DSCAM: variants seen among roughly 807,000 people sequenced by gnomAD.
DSCAM encodes the protein DS cell adhesion molecule, also known as cell adhesion molecule DSCAM.
DSCAM carries 47 observed loss-of-function variants against 217.7 expected under a neutral mutation model. The ratio of observed to expected loss-of-function variants is 0.22; its 90% CI spans 0.17 to 0.28. The LOEUF (loss-of-function observed/expected upper bound fraction) is 0.28, where lower values mean the gene tolerates loss of function less well. DSCAM is among the 10% of genes least tolerant of loss of function. The pLI is 1.00. For synonymous variants in DSCAM, 1,056 were observed against 1,015.3 expected (o/e 1.04, Z -0.76); for missense variants, 2,080 against 2,618.3 (o/e 0.79, Z 4.49).
intron 3 of DSCAM, among the ~76,000 whole-genome samples, chr21:40,498,667 CCA>C (rs1568854613): frequency 1.6e-4 from 4 of 24,314 alleles, no homozygotes; most frequent in East Asian, 1.2e-3. Context: ...ATATATATAC[CCA>C]TATATATATA....
chr21:40,339,044 CG>C, intron 7 of DSCAM, 74 bp downstream of exon 7: 1 of 1,551,790 alleles, frequency 6.4e-7, no homozygotes, highest in Non-Finnish European at 8.8e-7. Flanking sequence ...AGACCCAGCT[CG>C]GTGCATGCAG....
chr21:40,769,344 C>T (rs969438383), intron 1 of DSCAM, among the ~76,000 whole-genome samples: 6 of 152,160 alleles, frequency 3.9e-5, no homozygotes, highest in Admixed American at 1.3e-4. Context: ...GGTCAGAGAC[C>T]CACAGATGAC....
At chr21:40,068,424 T>C (rs759036752) in intron 27 of DSCAM, among the ~76,000 whole-genome samples, 1 of 152,148 alleles carries the variant, frequency 6.6e-6, no homozygotes, top group Non-Finnish European at 1.5e-5. Context: ...AATATGTATA[T>C]GTGCCTCTCT....
chr21:40,521,349 G>A (rs769933674), intron 3 of DSCAM, among the ~76,000 whole-genome samples: 1 of 152,124 alleles, frequency 6.6e-6, no homozygotes, highest in Non-Finnish European at 1.5e-5. Flanking sequence ...TTCCGTAATG[G>A]CTTTACTAAT....
intron 9 of DSCAM, among the ~76,000 whole-genome samples, chr21:40,305,389 C>CAAAAAAAAAAA (rs58738453): frequency 5.8e-5 from 4 of 68,564 alleles, no homozygotes; most frequent in African/African-American, 1.7e-4. Context: ...GATCCCGTCT[C>CAAAAAAAAAAA]AAAAAAAAAA....
chr21:40,099,388 G>T (rs573515156), intron 20 of DSCAM, among the ~76,000 whole-genome samples: 1 of 152,146 alleles, frequency 6.6e-6, no homozygotes, highest in Admixed American at 6.5e-5. Context: ...TAATTTCTCC[G>T]TAGGTTAGGA....
intron 2 of DSCAM, 65 bp from the exon 3 acceptor site, chr21:40,693,021 A>G: frequency 1.3e-6 from 2 of 1,523,316 alleles, no homozygotes; most frequent in Non-Finnish European, 1.8e-6. Context: ...AGAGTATCTC[A>G]CTGTAATATA....
chr21:40,369,588 C>T (rs2074873931), intron 3 of DSCAM, among the ~76,000 whole-genome samples: 1 of 152,010 alleles, frequency 6.6e-6, no homozygotes, highest in African/African-American at 2.4e-5. Context: ...TTGGTATATA[C>T]CGAACACAGA....
intron 3 of DSCAM, among the ~76,000 whole-genome samples, chr21:40,513,599 G>A (rs2076277140): frequency 6.6e-6 from 1 of 152,082 alleles, no homozygotes; most frequent in African/African-American, 2.4e-5. Context: ...CTCTTAAATA[G>A]CCAGCTCTTG....
intron 3 of DSCAM, among the ~76,000 whole-genome samples, chr21:40,372,342 A>T (rs1324684661): frequency 2.0e-5 from 3 of 152,238 alleles, no homozygotes; most frequent in Non-Finnish European, 4.4e-5. Flanking sequence ...AAAAAGTGCA[A>T]ACACACAATT....
At chr21:40,234,475 C>T (rs887417247) in intron 11 of DSCAM, among the ~76,000 whole-genome samples, 9 of 152,206 alleles carry the variant, frequency 5.9e-5, no homozygotes, top group Non-Finnish European at 5.9e-5. Flanking sequence ...TAAGCTATTA[C>T]GTGCTTTTCC....
chr21:40,027,591 T>C (rs201581729), intron 32 of DSCAM, among the ~76,000 whole-genome samples: 1,985 of 77,690 alleles, frequency 0.026, 8 homozygotes, highest in East Asian at 0.24. Flanking sequence ...TATTCTTTTT[T>C]CTCTAAACTT....
intron 3 of DSCAM, among the ~76,000 whole-genome samples, chr21:40,370,282 A>G (rs1484054266): frequency 6.6e-6 from 1 of 150,706 alleles, no homozygotes; most frequent in Non-Finnish European, 1.5e-5. Context: ...TAGAGCTGAG[A>G]GTGCCTCATT....
intron 19 of DSCAM, among the ~76,000 whole-genome samples, chr21:40,128,084 G>A (rs906031999): frequency 1.3e-5 from 2 of 151,504 alleles, no homozygotes; most frequent in African/African-American, 4.9e-5. Context: ...CCATGTCTCT[G>A]TTGAGACTCT....
chr21:40,841,168 T>C (rs9305708), intron 1 of DSCAM, among the ~76,000 whole-genome samples: 152,290 of 152,290 alleles, frequency 1, 76,145 homozygotes, highest in Non-Finnish European at 1. Flanking sequence ...AGGAGCAGAT[T>C]TGTGAAACCC....
chr21:40,820,368 C>CCAAA (rs10690889), intron 1 of DSCAM, among the ~76,000 whole-genome samples: 5,018 of 152,128 alleles, frequency 0.033, 264 homozygotes, highest in African/African-American at 0.12. Context: ...GAACAGAAAA[C>CCAAA]CAAACACTGC....
intron 11 of DSCAM, among the ~76,000 whole-genome samples, chr21:40,243,807 C>T (rs1376882029): frequency 6.6e-6 from 1 of 152,178 alleles, no homozygotes; most frequent in African/African-American, 2.4e-5. Flanking sequence ...CCCTTGCCAG[C>T]AGCCACCATT....
At chr21:40,746,957 T>C (rs774553952) in intron 1 of DSCAM, among the ~76,000 whole-genome samples, 57 of 151,962 alleles carry the variant, frequency 3.8e-4, no homozygotes, top group Non-Finnish European at 6.6e-4. Context: ...AACACGCTCC[T>C]GAGCAACAGA....
At chr21:40,677,776 G>A (rs774824563) in intron 3 of DSCAM, among the ~76,000 whole-genome samples, 5 of 152,076 alleles carry the variant, frequency 3.3e-5, no homozygotes, top group Non-Finnish European at 5.9e-5. Context: ...GACACCATTC[G>A]CCTCTTCTGC....
Sources: gnomAD v4.1 joint callset for allele counts (sites outside exome capture counted in the v4.1 genomes callset) on GRCh38, gnomAD v4.1.1 for gene constraint, MANE v1.5 for transcripts, NCBI Gene and HGNC (gene_info 2026-07-23, HGNC 2026-07-21) for gene names.